The following NR3C2 variants were observed in gnomAD, a reference collection of about 807,000 sequenced individuals.
The protein encoded by NR3C2 is nuclear receptor subfamily 3 group C member 2.
In NR3C2, 15 loss-of-function variants were observed where a neutral mutation model predicts 86.4. That is an observed-to-expected ratio of 0.17 (90% CI 0.12 to 0.27). The LOEUF (loss-of-function observed/expected upper bound fraction) is 0.27, where lower values mean the gene tolerates loss of function less well. Ranked by LOEUF, NR3C2 falls within the 10% of genes least tolerant of loss-of-function variation. The pLI is 1.00. For synonymous variants in NR3C2, 458 were observed against 450.5 expected (o/e 1.02, Z -0.21); for missense variants, 960 against 1,195.6 (o/e 0.80, Z 2.91).
At position 148,309,978 on chromosome 4, in the gene NR3C2, G is replaced by A. The variant is rs72950201; in HGVS notation, c.1758-49861C>T. ...ACAAAAAAATGAAGGCTCTCCAAGG[G>A]CGGGGGTGGAGGAAATAATGAGAAA... On this transcript the variant is annotated intron_variant, in intron 2 of 8. Coordinates refer to ENST00000358102, the MANE Select transcript of NR3C2 (RefSeq NM_000901.5). Among the ~76,000 whole-genome samples, 956 of 151,950 alleles carry A rather than the reference G, an allele frequency of 6.3e-3. 6 individuals are homozygous for A. The highest frequency in any genetic ancestry group is 0.022 in the African/African-American group (928 of 41,402).
chr4:148,394,047 T>G (rs1430652262), intron 2 of NR3C2, among the ~76,000 whole-genome samples: 1 of 152,162 alleles, frequency 6.6e-6, no homozygotes, highest in Non-Finnish European at 1.5e-5. Context: ...ATACTCCTGC[T>G]GCCATTTCAG....
intron 3 of NR3C2, among the ~76,000 whole-genome samples, chr4:148,200,807 A>G (rs1344636081): frequency 6.6e-6 from 1 of 152,160 alleles, no homozygotes; most frequent in Non-Finnish European, 1.5e-5. Flanking sequence ...CATTATTACT[A>G]TTATCATGTA....
chr4:148,270,238 T>C (rs1203790718), intron 2 of NR3C2, among the ~76,000 whole-genome samples: 1 of 152,180 alleles, frequency 6.6e-6, no homozygotes, highest in Non-Finnish European at 1.5e-5. Context: ...CCTCACATTG[T>C]AGAAATAATC....
At chr4:148,444,867 T>G, upstream of NR3C2, 1 of 984,668 alleles carries the variant, frequency 1.0e-6, no homozygotes, top group African/African-American at 1.7e-5. Context: ...AGCCGGGAAG[T>G]CCGGCAGGAG....
At chr4:148,415,833 C>T (rs72732311) in intron 2 of NR3C2, among the ~76,000 whole-genome samples, 14,936 of 152,098 alleles carry the variant, frequency 0.098, 808 homozygotes, top group Middle Eastern at 0.13. Flanking sequence ...GTCCTAGAAA[C>T]AATACATTCT....
intron 2 of NR3C2, among the ~76,000 whole-genome samples, chr4:148,301,809 G>A (rs190837619): frequency 2.4e-4 from 37 of 152,214 alleles, no homozygotes; most frequent in East Asian, 5.8e-4. Context: ...TGGATGCTAC[G>A]GAGGACCCCG....
At chr4:148,136,087 A>G (rs561181965) in intron 6 of NR3C2, among the ~76,000 whole-genome samples, 1 of 79,252 alleles carries the variant, frequency 1.3e-5, no homozygotes, top group African/African-American at 4.4e-5. Context: ...CAAAAAAAAA[A>G]AACACCACCA....
At chr4:148,259,429 G>C (rs758142911) in intron 3 of NR3C2, among the ~76,000 whole-genome samples, 1 of 140,422 alleles carries the variant, frequency 7.1e-6, no homozygotes, top group Non-Finnish European at 1.5e-5. Flanking sequence ...GTGAATCTCA[G>C]TCAGGTTTTT....
At chr4:148,387,704 T>A (rs931995468) in intron 2 of NR3C2, among the ~76,000 whole-genome samples, 1 of 152,176 alleles carries the variant, frequency 6.6e-6, no homozygotes, top group Non-Finnish European at 1.5e-5. Context: ...TAAAAATGGT[T>A]GTATCCTGAG....
At chr4:148,237,365 T>C (rs959807610) in intron 3 of NR3C2, among the ~76,000 whole-genome samples, 5 of 152,204 alleles carry the variant, frequency 3.3e-5, no homozygotes, top group African/African-American at 9.6e-5. Context: ...CCCAAAACTA[T>C]TGATATCATT....
intron 4 of NR3C2, among the ~76,000 whole-genome samples, chr4:148,177,056 C>T (rs2149788439): frequency 6.6e-6 from 1 of 152,236 alleles, no homozygotes; most frequent in Non-Finnish European, 1.5e-5. Context: ...CTAGTGAAGC[C>T]ATTTTTATTA....
intron 3 of NR3C2, among the ~76,000 whole-genome samples, chr4:148,228,672 T>C (rs1027164833): frequency 6.6e-6 from 1 of 152,172 alleles, no homozygotes; most frequent in Non-Finnish European, 1.5e-5. Context: ...TTTAATGAAG[T>C]CCAACTGATT....
At chr4:148,125,020 T>C (rs1004913899) in intron 6 of NR3C2, among the ~76,000 whole-genome samples, 1 of 152,188 alleles carries the variant, frequency 6.6e-6, no homozygotes, top group Non-Finnish European at 1.5e-5. Flanking sequence ...TTATTCAAAT[T>C]TGGGGGGTGC....
At position 148,435,160 on chromosome 4, in the gene NR3C2, C is replaced by G; in HGVS notation, c.1701G>C (p.Ser567=). 1 of 1,614,108 alleles carries G rather than the reference C, an allele frequency of 6.2e-7. No individual in the cohort carries two copies. Among genetic ancestry groups the G allele is most frequent in the Admixed American group, 1.7e-5 (1 of 60,022 alleles). ...VESWKSHGDL[S]SRRSDGYPVL... Reference sequence around the variant, plus strand: ...CCGGATACCCATCACTTCTTCTAGACGACAGGTCGCCGTGTGATTTCCATG... The same window carrying G: ...CCGGATACCCATCACTTCTTCTAGAGGACAGGTCGCCGTGTGATTTCCATG... Residue 567 remains serine (S), a synonymous_variant, in exon 2 of 9, where the codon TCG becomes TCC. Coordinates refer to ENST00000358102, the MANE Select transcript of NR3C2 (RefSeq NM_000901.5).
chr4:148,413,989 C>A (rs193017616), intron 2 of NR3C2, among the ~76,000 whole-genome samples: 1 of 152,270 alleles, frequency 6.6e-6, no homozygotes, highest in Non-Finnish European at 1.5e-5. Flanking sequence ...TGGGTATAAG[C>A]AGACATTTAC....
At chr4:148,412,568 G>T (rs1482594763) in intron 2 of NR3C2, among the ~76,000 whole-genome samples, 2 of 151,680 alleles carry the variant, frequency 1.3e-5, no homozygotes, top group African/African-American at 4.8e-5. Flanking sequence ...TGTGGAGAAG[G>T]AGTAAAAAAA....
chr4:148,298,409 T>C (rs1356580325), intron 2 of NR3C2, among the ~76,000 whole-genome samples: 2 of 152,014 alleles, frequency 1.3e-5, no homozygotes, highest in East Asian at 3.9e-4. Flanking sequence ...ACAACTGGGG[T>C]GATGGAAATG....
intron 2 of NR3C2, among the ~76,000 whole-genome samples, chr4:148,412,639 C>T (rs1748762787): frequency 6.6e-6 from 1 of 152,198 alleles, no homozygotes; most frequent in Non-Finnish European, 1.5e-5. Flanking sequence ...ATAATGGCAA[C>T]TTGAAATGTA....
chr4:148,103,274 C>T (rs1177049513), intron 8 of NR3C2, among the ~76,000 whole-genome samples: 2 of 152,138 alleles, frequency 1.3e-5, no homozygotes, highest in African/African-American at 2.4e-5. Context: ...GTTTTCAATC[C>T]AGTTTAGGTG....
Sources: gnomAD v4.1 joint callset for allele counts (sites outside exome capture counted in the v4.1 genomes callset) on GRCh38, gnomAD v4.1.1 for gene constraint, MANE v1.5 for transcripts, NCBI Gene and HGNC (gene_info 2026-07-23, HGNC 2026-07-21) for gene names.